Variants in ATG7 observed in about 807,000 individuals in gnomAD.
ATG7 encodes the protein ubiquitin-like modifier-activating enzyme ATG7.
Under a neutral mutation model 82.4 loss-of-function variants are expected in ATG7, and 70 were observed. The ratio of observed to expected loss-of-function variants is 0.85; its 90% CI spans 0.70 to 1.04. The LOEUF (loss-of-function observed/expected upper bound fraction) is 1.04, where lower values mean the gene tolerates loss of function less well. Among genes scored for constraint, ATG7 ranks in the 50% least tolerant of loss-of-function variants. ATG7 has a pLI of 0.00. For missense variants in ATG7, 792 were observed against 864.3 expected, an observed-to-expected ratio of 0.92 and a Z score of 1.05; for synonymous variants, 287 against 313.0, an observed-to-expected ratio of 0.92 and a Z score of 0.88.
chr3:11,493,540 A>G (rs1271401110), intron 20 of ATG7, among the ~76,000 whole-genome samples: 1 of 152,160 alleles, frequency 6.6e-6, no homozygotes, highest in Non-Finnish European at 1.5e-5. Flanking sequence ...TGGGGTTTCC[A>G]CTGGGGACCT....
intron 20 of ATG7, among the ~76,000 whole-genome samples, chr3:11,520,485 T>G (rs2092412473): frequency 6.6e-6 from 1 of 152,198 alleles, no homozygotes; most frequent in Non-Finnish European, 1.5e-5. Flanking sequence ...TTATGGCTAC[T>G]GATGGTGGCT....
At chr3:11,558,450 C>G, downstream of ATG7, 41 of 1,357,316 alleles carry the variant, frequency 3.0e-5, no homozygotes, top group Non-Finnish European at 3.4e-5. Context: ...ACCATCCCTT[C>G]CCTTCCCCCC....
At chr3:11,413,413 A>G (rs1409152034) in intron 19 of ATG7, among the ~76,000 whole-genome samples, 1 of 152,104 alleles carries the variant, frequency 6.6e-6, no homozygotes, top group Non-Finnish European at 1.5e-5. Flanking sequence ...ATCAATCGAG[A>G]TGATTGTGTG....
intron 19 of ATG7, among the ~76,000 whole-genome samples, chr3:11,402,448 AAAAGAAATACTGGAT>A (rs1294291860): frequency 6.6e-6 from 1 of 152,262 alleles, no homozygotes; most frequent in African/African-American, 2.4e-5. Flanking sequence ...ATAAATTAAA[AAAAGAAATACTGGAT>A]AAGCTAGGGG....
intron 17 of ATG7, 45 bp from the exon 18 acceptor site, chr3:11,364,614 T>C: frequency 6.3e-7 from 1 of 1,592,882 alleles, no homozygotes; most frequent in Non-Finnish European, 8.6e-7. Context: ...TCCCATGTGT[T>C]AAACTTGGAT....
intron 20 of ATG7, among the ~76,000 whole-genome samples, chr3:11,479,590 C>T (rs1227274987): frequency 6.6e-6 from 1 of 151,828 alleles, no homozygotes; most frequent in Non-Finnish European, 1.5e-5. Flanking sequence ...GTTGGAAGCC[C>T]AAAGTAAGGC....
rs760437157 is a variant in ATG7, at chr3:11,361,286, CTT to C, written c.1683+517_1683+518del. ...TTTGAATTTCAGTTAATAATGAATTCTTTTTTTTTTTTTTTTGAGACAGAGTT... is the reference window on the plus strand; with the variant it reads ...TTTGAATTTCAGTTAATAATGAATTCTTTTTTTTTTTTTTGAGACAGAGTT... On this transcript the variant is annotated intron_variant, in intron 16 of 20. Transcript: ENST00000693202. 4.0e-4 allele frequency among the ~76,000 whole-genome samples: 55 copies of C among 138,918 alleles called. No homozygotes were observed. The South Asian group carries it at 4.2e-3, about 10-fold the overall frequency. 91.1% of individuals were successfully genotyped at this position (138,918 alleles called of 152,430 possible). A position where few individuals can be genotyped will look rare whatever the true frequency, so the allele number is the denominator to read the frequency against.
intron 20 of ATG7, among the ~76,000 whole-genome samples, chr3:11,507,951 T>A: frequency 1.0e-5 from 1 of 98,712 alleles, no homozygotes; most frequent in Non-Finnish European, 2.4e-5. Context: ...TTGCTGGTAA[T>A]TAAAAAAAAA....
chr3:11,424,604 TATTA>T (rs140530187), intron 19 of ATG7, among the ~76,000 whole-genome samples: 77,193 of 150,830 alleles, frequency 0.51, 20,701 homozygotes, highest in East Asian at 0.68. Context: ...TTTTAATAAA[TATTA>T]ATTTTTAATA....
intron 20 of ATG7, among the ~76,000 whole-genome samples, chr3:11,534,432 T>C (rs1009737996): frequency 1.3e-5 from 2 of 152,232 alleles, no homozygotes; most frequent in African/African-American, 4.8e-5. Context: ...TCCTCACATC[T>C]TCTGCTCACA....
At chr3:11,553,384 C>T (rs758843778) in intron 20 of ATG7, among the ~76,000 whole-genome samples, 4 of 150,142 alleles carry the variant, frequency 2.7e-5, no homozygotes, top group Admixed American at 6.8e-5. Context: ...AATGTGTGTT[C>T]GTTGAATGGG....
At chr3:11,513,537 G>A (rs748114420) in intron 20 of ATG7, among the ~76,000 whole-genome samples, 1 of 152,236 alleles carries the variant, frequency 6.6e-6, no homozygotes, top group Non-Finnish European at 1.5e-5. Flanking sequence ...GCCGCTCCCA[G>A]TGCGGGGCCT....
At position 11,361,578 on chromosome 3, in the gene ATG7, T is replaced by C. The variant is rs570173903; in HGVS notation, c.1683+794T>C. Among the ~76,000 whole-genome samples the C allele has an allele frequency of 1.2e-4, 19 of 152,272 alleles. No homozygotes were observed. The South Asian group carries it at 3.5e-3, about 28-fold the overall frequency. ...GATTACAGGTGTGAGCCACCACGCTTAGCCAATAATGAATAATTTTTTGGT... is the reference window on the plus strand; with the variant it reads ...GATTACAGGTGTGAGCCACCACGCTCAGCCAATAATGAATAATTTTTTGGT... On this transcript the variant is annotated intron_variant, in intron 16 of 20. Transcript: ENST00000693202.
chr3:11,520,988 C>T (rs1376115097), intron 20 of ATG7, among the ~76,000 whole-genome samples: 1 of 152,084 alleles, frequency 6.6e-6, no homozygotes, highest in African/African-American at 2.4e-5. Context: ...AGTAGTTGCT[C>T]CAGGCCCCAC....
chr3:11,309,452 T>C (rs527479502), intron 7 of ATG7, among the ~76,000 whole-genome samples: 139 of 31,766 alleles, frequency 4.4e-3, no homozygotes, highest in African/African-American at 0.011. Flanking sequence ...CGCTTGTTGA[T>C]TTTTTTTTTT....
intron 20 of ATG7, among the ~76,000 whole-genome samples, chr3:11,533,464 ATGT>A (rs1354251935): frequency 6.7e-6 from 1 of 150,370 alleles, no homozygotes; most frequent in Non-Finnish European, 1.5e-5. Context: ...TCTTCTGTTC[ATGT>A]TGTTCACAAC....
At chr3:11,383,407 C>G (rs1475894988) in intron 19 of ATG7, among the ~76,000 whole-genome samples, 1 of 152,158 alleles carries the variant, frequency 6.6e-6, no homozygotes, top group East Asian at 1.9e-4. Context: ...GATGCTGTCT[C>G]CTCATGTCAG....
chr3:11,528,436 T>C (rs1309264174), intron 20 of ATG7, among the ~76,000 whole-genome samples: 1 of 152,228 alleles, frequency 6.6e-6, no homozygotes, highest in Admixed American at 6.5e-5. Flanking sequence ...TCAGCCATCA[T>C]CAGAGACCTT....
At chr3:11,541,740 C>G (rs1303313122) in intron 20 of ATG7, among the ~76,000 whole-genome samples, 1 of 152,196 alleles carries the variant, frequency 6.6e-6, no homozygotes, top group African/African-American at 2.4e-5. Flanking sequence ...GATGTTGACC[C>G]CAAAAGCCCT....
Sources: allele counts gnomAD v4.1 joint callset (sites outside exome capture counted in the v4.1 genomes callset), GRCh38; gene constraint gnomAD v4.1.1; transcripts MANE v1.5; gene names NCBI Gene and HGNC (gene_info 2026-07-23, HGNC 2026-07-21).